The following GPC5 variants were observed in gnomAD, a reference collection of about 807,000 sequenced individuals.
The protein encoded by GPC5 is glypican-5.
Under a neutral mutation model 53.9 loss-of-function variants are expected in GPC5, and 47 were observed. The ratio of observed to expected loss-of-function variants is 0.87; its 90% CI spans 0.69 to 1.11. The LOEUF is 1.11. Among genes scored for constraint, GPC5 ranks in the 50% most tolerant of loss-of-function variants. The pLI is 0.00. For missense variants in GPC5, 748 were observed against 713.1 expected, an observed-to-expected ratio of 1.05 and a Z score of -0.56; for synonymous variants, 286 against 263.3, an observed-to-expected ratio of 1.09 and a Z score of -0.84.
chr13:92,535,532 C>A (rs1204350380), intron 7 of GPC5, among the ~76,000 whole-genome samples: 6 of 152,000 alleles, frequency 3.9e-5, no homozygotes, highest in Non-Finnish European at 8.8e-5. Context: ...TCTGGCATCT[C>A]ATTGGAGGCA....
chr13:91,526,773 G>A (rs1886105012), intron 2 of GPC5, among the ~76,000 whole-genome samples: 1 of 152,206 alleles, frequency 6.6e-6, no homozygotes, highest in South Asian at 2.1e-4. Flanking sequence ...TTGACTCACA[G>A]TTCCACATGT....
At chr13:91,808,284 C>A (rs908799621) in intron 5 of GPC5, among the ~76,000 whole-genome samples, 3 of 152,050 alleles carry the variant, frequency 2.0e-5, no homozygotes, top group African/African-American at 4.8e-5. Context: ...GACCCAAATA[C>A]CATATGAAAG....
chr13:92,460,691 G>T (rs1878443517), intron 7 of GPC5, among the ~76,000 whole-genome samples: 1 of 152,240 alleles, frequency 6.6e-6, no homozygotes, highest in East Asian at 1.9e-4. Context: ...TATCAGGAAG[G>T]TCAAGTTGAA....
chr13:92,350,939 G>A (rs1295588568), intron 7 of GPC5, among the ~76,000 whole-genome samples: 6 of 152,038 alleles, frequency 3.9e-5, no homozygotes, highest in Non-Finnish European at 8.8e-5. Context: ...AGGCAATGGT[G>A]TAATAACTTG....
intron 7 of GPC5, among the ~76,000 whole-genome samples, chr13:92,400,168 G>GTTATAATCT (rs1875492078): frequency 6.6e-6 from 1 of 152,094 alleles, no homozygotes; most frequent in South Asian, 2.1e-4. Flanking sequence ...ATGAGATTCT[G>GTTATAATCT]GACCCTAAAT....
chr13:92,271,312 G>A (rs920132141), intron 7 of GPC5, among the ~76,000 whole-genome samples: 6 of 152,196 alleles, frequency 3.9e-5, no homozygotes, highest in African/African-American at 1.2e-4. Flanking sequence ...TGTAGAAGGA[G>A]AACTACCTGT....
At chr13:92,051,453 G>A (rs2041028516) in intron 6 of GPC5, among the ~76,000 whole-genome samples, 1 of 151,426 alleles carries the variant, frequency 6.6e-6, no homozygotes, top group Non-Finnish European at 1.5e-5. Flanking sequence ...ATCTGCCTCA[G>A]CCTCCCAAAG....
At position 92,656,727 on chromosome 13, in the gene GPC5, G is replaced by A. The variant is rs577327337; in HGVS notation, c.1562-209555G>A. On this transcript the variant is annotated intron_variant, in intron 7 of 7. Coordinates refer to ENST00000377067, the MANE Select transcript of GPC5 (RefSeq NM_004466.6). ...TAATAGCAAAAACAGGCCAAAGTGG[G>A]AGGATCACTTGAGGCCAGGAGTTCG... Among the ~76,000 whole-genome samples the A allele has an allele frequency of 3.3e-5, 5 of 152,310 alleles. No individual in the cohort carries two copies. In the South Asian group the frequency reaches 1.0e-3, roughly 32 times the overall value.
At chr13:92,138,181 G>T (rs1386990471) in intron 6 of GPC5, among the ~76,000 whole-genome samples, 2 of 152,128 alleles carry the variant, frequency 1.3e-5, no homozygotes, top group East Asian at 3.9e-4. Context: ...AAAGTATGTG[G>T]CAGGAGTGTG....
chr13:92,408,646 A>G (rs1377952639), intron 7 of GPC5, among the ~76,000 whole-genome samples: 2 of 147,674 alleles, frequency 1.4e-5, no homozygotes, highest in Non-Finnish European at 3.0e-5. Flanking sequence ...ACACACACAC[A>G]CACACACATA....
chr13:91,552,376 G>C (rs971271610), intron 2 of GPC5, among the ~76,000 whole-genome samples: 1 of 151,958 alleles, frequency 6.6e-6, no homozygotes, highest in African/African-American at 2.4e-5. Context: ...AGACCAGCTC[G>C]ATCTGGGAGA....
intron 1 of GPC5, among the ~76,000 whole-genome samples, chr13:91,432,203 C>CTGTGTGTGTGTGTGTG (rs757953581): frequency 2.9e-5 from 4 of 136,452 alleles, no homozygotes; most frequent in Non-Finnish European, 4.8e-5. Context: ...GCTGCTGCTG[C>CTGTGTGTGTGTGTGTG]TGTGTGTGTG....
intron 7 of GPC5, among the ~76,000 whole-genome samples, chr13:92,224,795 G>A (rs2042473026): frequency 6.6e-6 from 1 of 152,138 alleles, no homozygotes; most frequent in Non-Finnish European, 1.5e-5. Flanking sequence ...CACATCCTTT[G>A]TGGCTCTCCC....
intron 7 of GPC5, among the ~76,000 whole-genome samples, chr13:92,858,464 C>A (rs1321818077): frequency 6.6e-6 from 1 of 152,104 alleles, no homozygotes; most frequent in Admixed American, 6.6e-5. Flanking sequence ...CAAACTAATA[C>A]AGACACCATG....
intron 6 of GPC5, among the ~76,000 whole-genome samples, chr13:92,064,448 A>G (rs1473290433): frequency 6.6e-6 from 1 of 152,156 alleles, no homozygotes; most frequent in Non-Finnish European, 1.5e-5. Context: ...AAACAGGAGA[A>G]GCTTAGAGAT....
chr13:92,119,567 ATTTTTTTTTTTTT>A (rs59391576), intron 6 of GPC5, among the ~76,000 whole-genome samples: 1 of 70,626 alleles, frequency 1.4e-5, no homozygotes, highest in South Asian at 7.3e-4. Flanking sequence ...CGCCTGGCTA[ATTTTTTTTTTTTT>A]TTTTTTTTTT....
intron 7 of GPC5, among the ~76,000 whole-genome samples, chr13:92,468,770 C>T (rs1251317436): frequency 6.6e-6 from 1 of 152,020 alleles, no homozygotes. Flanking sequence ...TTTTTTGCAC[C>T]CTTGCAATCA....
At chr13:92,310,904 T>A (rs2043141040) in intron 7 of GPC5, among the ~76,000 whole-genome samples, 1 of 152,172 alleles carries the variant, frequency 6.6e-6, no homozygotes, top group South Asian at 2.1e-4. Context: ...GAAAGAGACA[T>A]CTAACTGAGT....
At chr13:91,600,348 A>AGTGTGTGT (rs1188484947) in intron 2 of GPC5, among the ~76,000 whole-genome samples, 2 of 95,186 alleles carry the variant, frequency 2.1e-5, no homozygotes, top group African/African-American at 6.2e-5. Context: ...AGAGAGAGAG[A>AGTGTGTGT]GTGTGTGTGT....
Sources: allele counts gnomAD v4.1 joint callset (sites outside exome capture counted in the v4.1 genomes callset), GRCh38; gene constraint gnomAD v4.1.1; transcripts MANE v1.5; gene names NCBI Gene and HGNC (gene_info 2026-07-23, HGNC 2026-07-21).